The following LPAR1 variants were observed in gnomAD, a reference collection of about 807,000 sequenced individuals.
LPAR1 encodes lysophosphatidic acid receptor 1, also known as LPA receptor 1.
Under a neutral mutation model 23.8 loss-of-function variants are expected in LPAR1, and 5 were observed. The ratio of observed to expected loss-of-function variants is 0.21; its 90% CI spans 0.11 to 0.44. The LOEUF (loss-of-function observed/expected upper bound fraction) is 0.44, where lower values mean the gene tolerates loss of function less well. Among genes scored for constraint, LPAR1 ranks in the 20% least tolerant of loss-of-function variants. The probability of loss-of-function intolerance (pLI) is 0.99; values close to 1 mark genes in which losing one functional copy is unlikely to be tolerated. For synonymous variants in LPAR1, 160 were observed against 164.7 expected, an observed-to-expected ratio of 0.97 and a Z score of 0.22; for missense variants, 311 against 482.8, an observed-to-expected ratio of 0.64 and a Z score of 3.33.
chr9:110,914,677 G>A (rs1008809650), intron 5 of LPAR1, among the ~76,000 whole-genome samples: 5 of 152,166 alleles, frequency 3.3e-5, no homozygotes, highest in South Asian at 2.1e-4. Flanking sequence ...GAGTCTTATC[G>A]AGGAAGGCAG....
chr9:110,908,371 T>A (rs1423605667), intron 5 of LPAR1, among the ~76,000 whole-genome samples: 1 of 150,476 alleles, frequency 6.6e-6, no homozygotes, highest in African/African-American at 2.4e-5. Context: ...ACTAAGTTAT[T>A]GTCTAGATGT....
intron 2 of LPAR1, among the ~76,000 whole-genome samples, chr9:111,025,194 C>G (rs2097665680): frequency 6.6e-6 from 1 of 152,190 alleles, no homozygotes. Flanking sequence ...TATTTCTCCA[C>G]ATCCTCTCCA....
At chr9:110,955,254 G>A (rs959022916) in intron 4 of LPAR1, among the ~76,000 whole-genome samples, 3 of 152,178 alleles carry the variant, frequency 2.0e-5, no homozygotes, top group Non-Finnish European at 2.9e-5. Flanking sequence ...GATATTCCAT[G>A]CAAATGAAAA....
At chr9:110,955,587 T>C (rs1385579341) in intron 4 of LPAR1, among the ~76,000 whole-genome samples, 1 of 152,124 alleles carries the variant, frequency 6.6e-6, no homozygotes, top group African/African-American at 2.4e-5. Context: ...TTAGAGAACA[T>C]TTCATCCAAC....
In LPAR1 at chr9:110,983,610, T is replaced by C. The variant is rs745751671; in HGVS notation, c.-181-10052A>G. On this transcript the variant is annotated intron_variant, in intron 2 of 5. Coordinates refer to ENST00000683809, the MANE Select transcript of LPAR1 (RefSeq NM_001351411.2). ...CTGAATATACTTAACACTACTGAAC[T>C]GTACATTTAAATGGTTAAGAGGGTA... Among the ~76,000 whole-genome samples, 4 of 152,148 alleles carry C rather than the reference T, an allele frequency of 2.6e-5. No homozygotes were observed. The East Asian group carries it at 7.7e-4, about 29-fold the overall frequency.
intron 5 of LPAR1, among the ~76,000 whole-genome samples, chr9:110,901,789 T>G (rs1462415305): frequency 1.3e-5 from 2 of 152,134 alleles, no homozygotes; most frequent in African/African-American, 2.4e-5. Flanking sequence ...CATTTCAGTT[T>G]TGTTTACAGG....
At chr9:111,027,464 G>C (rs2097713924) in intron 2 of LPAR1, among the ~76,000 whole-genome samples, 1 of 152,118 alleles carries the variant, frequency 6.6e-6, no homozygotes, top group Non-Finnish European at 1.5e-5. Flanking sequence ...CTGAGCAACT[G>C]AACTCCAGCC....
chr9:110,986,289 T>G (rs2096779667), intron 2 of LPAR1, among the ~76,000 whole-genome samples: 1 of 152,152 alleles, frequency 6.6e-6, no homozygotes, highest in Non-Finnish European at 1.5e-5. Flanking sequence ...CAGTCCGTAG[T>G]TTTCAGAACA....
chr9:110,965,167 C>T (rs959939989), intron 4 of LPAR1, among the ~76,000 whole-genome samples: 5 of 152,064 alleles, frequency 3.3e-5, no homozygotes, highest in African/African-American at 7.2e-5. Context: ...AGCACCCAGC[C>T]GCAATCACTT....
At position 110,942,304 on chromosome 9, in the gene LPAR1, T is replaced by C. The variant is rs1159127369; in HGVS notation, c.46-136A>G. 4.3e-6 allele frequency: 3 copies of C among 695,628 alleles called. No individual in the cohort carries two copies. In the African/African-American group the frequency reaches 5.4e-5, roughly 13 times the overall value. The allele number at this position is 695,628 out of a possible 1,614,324, so 43.1% of individuals were successfully genotyped here. On this transcript the variant is annotated intron_variant, in intron 4 of 5. Coordinates refer to ENST00000683809, the MANE Select transcript of LPAR1 (RefSeq NM_001351411.2). ...AATAATTTGAACATTTGATCCTGCA[T>C]ACCATCTTGTGATTATGTTGAAACT...
chr9:110,979,595 G>C (rs2138853601), intron 2 of LPAR1, among the ~76,000 whole-genome samples: 1 of 152,128 alleles, frequency 6.6e-6, no homozygotes. Flanking sequence ...TATTAAAAAG[G>C]TCCTATAAAA....
rs35043548 is a variant in LPAR1, at chr9:110,907,916, AACACACACACACAC to A, written c.794-32208_794-32195del. 3.6e-3 allele frequency among the ~76,000 whole-genome samples: 505 copies of A among 139,792 alleles called. 14 individuals are homozygous for A. The highest frequency in any genetic ancestry group is 0.033 in the Admixed American group (456 of 13,906). The allele number at this position is 139,792 out of a possible 152,430, so 91.7% of individuals were successfully genotyped here. A position where few individuals can be genotyped will look rare whatever the true frequency, so the allele number is the denominator to read the frequency against. On this transcript the variant is annotated intron_variant, in intron 5 of 5. Transcript: ENST00000683809. ...AAAAGAAAGACTTAACCTTTGACAAAACACACACACACACACACACACACACACACACACACACA... is the reference window on the plus strand; with the variant it reads ...AAAAGAAAGACTTAACCTTTGACAAAACACACACACACACACACACACACA...
chr9:110,976,945 A>G (rs1262181182), intron 2 of LPAR1, among the ~76,000 whole-genome samples: 2 of 152,200 alleles, frequency 1.3e-5, no homozygotes, highest in Non-Finnish European at 2.9e-5. Flanking sequence ...GAAAGCTATA[A>G]GCTTATTTCT....
chr9:110,934,836 A>T (rs1314881929), intron 5 of LPAR1, among the ~76,000 whole-genome samples: 1 of 151,718 alleles, frequency 6.6e-6, no homozygotes, highest in East Asian at 1.9e-4. Context: ...ACACACACAC[A>T]CACACACAGA....
At chr9:110,970,381 A>G (rs1162481174) in intron 4 of LPAR1, among the ~76,000 whole-genome samples, 3 of 152,184 alleles carry the variant, frequency 2.0e-5, no homozygotes, top group Admixed American at 6.5e-5. Context: ...CAGACACCAA[A>G]AAAGTCTATT....
At chr9:110,976,209 C>T (rs1351867115) in intron 2 of LPAR1, among the ~76,000 whole-genome samples, 2 of 151,880 alleles carry the variant, frequency 1.3e-5, no homozygotes, top group South Asian at 2.1e-4. Context: ...AAATACATCC[C>T]TGGCTGGGTG....
At chr9:110,999,444 C>G in intron 2 of LPAR1, 1 of 455,972 alleles carries the variant, frequency 2.2e-6, no homozygotes, top group South Asian at 1.6e-5. Flanking sequence ...GCAGCATCCC[C>G]ACACCATGCA....
chr9:111,036,377 G>GAAA lies in LPAR1; in HGVS notation c.-261-179_-261-177dup, dbSNP rs34393299. ...GTATTATTGAGTCCCTTGAGGAAAG[G>GAAA]AAAAAAAAAAAAAAAAGAGGAAATG... On this transcript the variant is annotated intron_variant, in intron 1 of 5. Coordinates refer to ENST00000683809, the MANE Select transcript of LPAR1 (RefSeq NM_001351411.2). Among the ~76,000 whole-genome samples, 208 of 122,196 alleles carry GAAA rather than the reference G, an allele frequency of 1.7e-3. 2 individuals are homozygous for GAAA. Among genetic ancestry groups the GAAA allele is most frequent in the African/African-American group, 5.5e-3 (183 of 33,416 alleles). 80.2% of individuals were successfully genotyped at this position (122,196 alleles called of 152,430 possible).
chr9:111,002,848 T>C (rs1490507684), intron 2 of LPAR1, among the ~76,000 whole-genome samples: 1 of 152,042 alleles, frequency 6.6e-6, no homozygotes, highest in Non-Finnish European at 1.5e-5. Flanking sequence ...CTCTTTAAAA[T>C]ATGAAGGGAG....
Sources: gnomAD v4.1 joint callset for allele counts (sites outside exome capture counted in the v4.1 genomes callset) on GRCh38, gnomAD v4.1.1 for gene constraint, MANE v1.5 for transcripts, NCBI Gene and HGNC (gene_info 2026-07-23, HGNC 2026-07-21) for gene names.